OR10K2: variants seen among roughly 807,000 people sequenced by gnomAD.
OR10K2 encodes olfactory receptor family 10 subfamily K member 2, also known as olfactory receptor 10K2.
For missense variants in OR10K2, 401 were observed against 367.1 expected, an observed-to-expected ratio of 1.09 and a Z score of -0.76; for synonymous variants, 169 against 146.4, an observed-to-expected ratio of 1.15 and a Z score of -1.11.
At chr1:158,423,199 A>G (rs1571263886) in intron 1 of OR10K2, among the ~76,000 whole-genome samples, 1 of 143,566 alleles carries the variant, frequency 7.0e-6, no homozygotes, top group Admixed American at 7.0e-5. Context: ...CTCCTCCTCT[A>G]TCTTATTCCT....
At position 158,420,329 on chromosome 1, in the gene OR10K2, C is replaced by G. The variant is rs73019729; in HGVS notation, c.538G>C (p.Asp180His). 1 of 1,613,754 alleles carries G rather than the reference C, an allele frequency of 6.2e-7. No homozygotes were observed. The highest frequency in any genetic ancestry group is 1.7e-5 in the Admixed American group (1 of 59,920). Residue 180 changes from aspartate (D) to histidine (H), a missense_variant, in exon 2 of 2, where the codon GAC (aspartate) becomes CAC (histidine). By Grantham distance (81) the Asp-to-His change is moderately conservative (BLOSUM62 -1). Transcript: ENST00000641042. Reference sequence around the variant, plus strand: ...GCCAGCTTGAGGACAGGAGCAATGTCACAGAAGAAGTGATGTAGTTGATTG... The same window carrying G: ...GCCAGCTTGAGGACAGGAGCAATGTGACAGAAGAAGTGATGTAGTTGATTG... Reference protein sequence around the residue: ...SSNQLHHFFCDIAPVLKLASH... With the variant: ...SSNQLHHFFCHIAPVLKLASH...
chr1:158,424,271 T>C lies in OR10K2; in HGVS notation c.-62+1662A>G, dbSNP rs1189556536. On this transcript the variant is annotated intron_variant, in intron 1 of 1. Transcript: ENST00000641042. ...CAAAGGCCCATGAAACAAGACACAC[T>C]AATTATTCTCCCTTTTCTCTTCTTC... Among the ~76,000 whole-genome samples the C allele has an allele frequency of 5.3e-5, 8 of 152,174 alleles. No homozygotes were observed. The South Asian group carries it at 1.0e-3, about 20-fold the overall frequency.
Position 158,420,621 on chromosome 1 carries a change from C to T in OR10K2, c.246G>A (p.Leu82=), listed in dbSNP as rs1196341821. Residue 82 remains leucine (L), a synonymous_variant, in exon 2 of 2, where the codon CTG becomes CTA. Transcript: ENST00000641042. ...CYTFIIVPKM[L]VDLLSQKKTI... ...TCTTCTTCTGGGACAGCAGGTCAAC[C>T]AGCATCTTGGGTACAATGATGAAGG... 4 of 1,613,886 alleles carry T rather than the reference C, an allele frequency of 2.5e-6. No individual in the cohort carries two copies. Among genetic ancestry groups the T allele is most frequent in the Non-Finnish European group, 3.4e-6 (4 of 1,179,908 alleles).
chr1:158,420,503 G>T lies in OR10K2; in HGVS notation c.364C>A (p.Arg122Ser). ...SFLLAVMGYD[R>S]YIAICNPLRY... Reference sequence around the variant, plus strand: ...AGTGGGTTACAGATGGCTATGTAACGATCATAACCCATGACTGCCAGCAGA... The same window carrying T: ...AGTGGGTTACAGATGGCTATGTAACTATCATAACCCATGACTGCCAGCAGA... The change falls in exon 2 of 2, where the codon CGT becomes AGT. Residue 122 changes from arginine to serine, a missense_variant. Physicochemically the swap from Arg to Ser is moderately radical, Grantham distance 110. Coordinates refer to ENST00000641042, the MANE Select transcript of OR10K2 (RefSeq NM_001004476.2). The T allele has an allele frequency of 6.2e-7, 1 of 1,613,848 alleles. No homozygotes were observed.
chr1:158,424,919 C>T (rs1208624330), intron 1 of OR10K2, among the ~76,000 whole-genome samples: 2 of 151,980 alleles, frequency 1.3e-5, no homozygotes, highest in East Asian at 1.9e-4. Context: ...CTTTGTAATG[C>T]GGTTCATTCA....
chr1:158,424,397 T>G (rs866523895), intron 1 of OR10K2, among the ~76,000 whole-genome samples: 11 of 151,858 alleles, frequency 7.2e-5, no homozygotes, highest in Middle Eastern at 3.2e-3. Flanking sequence ...CTCAGTTATG[T>G]TTTTTGGGAG....
intron 1 of OR10K2, among the ~76,000 whole-genome samples, chr1:158,421,386 C>A (rs1410697013): frequency 6.6e-6 from 1 of 152,132 alleles, no homozygotes; most frequent in Non-Finnish European, 1.5e-5. Context: ...GATTCAAATT[C>A]TCTTCAACAC....
intron 1 of OR10K2, among the ~76,000 whole-genome samples, chr1:158,424,062 A>G (rs1330759917): frequency 6.6e-6 from 1 of 152,074 alleles, no homozygotes; most frequent in Non-Finnish European, 1.5e-5. Flanking sequence ...GAAAATCTGG[A>G]GGAAAAACCC....
At chr1:158,422,719 C>T (rs1655182856) in intron 1 of OR10K2, among the ~76,000 whole-genome samples, 1 of 151,988 alleles carries the variant, frequency 6.6e-6, no homozygotes, top group Non-Finnish European at 1.5e-5. Context: ...AGATAGTACA[C>T]ATGTATTAAG....
intron 1 of OR10K2, among the ~76,000 whole-genome samples, chr1:158,421,288 C>G (rs1429480869): frequency 6.6e-6 from 1 of 152,012 alleles, no homozygotes; most frequent in Admixed American, 6.6e-5. Context: ...TCTGAATATA[C>G]CATAGTTGTC....
In OR10K2 at chr1:158,420,711, G is replaced by A. The variant is rs34616883; in HGVS notation, c.156C>T (p.Asp52=). The change falls in exon 2 of 2, where the codon GAC becomes GAT. Residue 52 remains aspartate, a synonymous_variant. Transcript: ENST00000641042. The stretch of plus-strand genomic sequence containing the variant: ...AGTACATGGGGATATGAAGGGCCCT[G>A]TCCAGGACAATGGTGGAAATGATGA... ...NAIIISTIVL[D]RALHIPMYFF... is the part of the protein sequence containing the mutation. 689,449 of 1,613,418 alleles carry A rather than the reference G, an allele frequency of 0.43. 153,538 individuals carry two copies. The highest frequency in any genetic ancestry group is 0.46 in the Non-Finnish European group (544,449 of 1,179,662).
intron 1 of OR10K2, among the ~76,000 whole-genome samples, chr1:158,421,413 T>G (rs980971677): frequency 7.2e-5 from 11 of 152,146 alleles, no homozygotes; most frequent in South Asian, 2.1e-4. Flanking sequence ...CCTTACCTCC[T>G]GGCAGGAATT....
At position 158,425,959 on chromosome 1, in the gene OR10K2, C is replaced by G. The variant is rs1655246001; in HGVS notation, c.-88G>C. 6.6e-6 allele frequency: 1 copy of G among 152,032 alleles called. No homozygotes were observed. Among genetic ancestry groups the G allele is most frequent in the Non-Finnish European group, 1.5e-5 (1 of 68,002 alleles). The allele number at this position is 152,032 out of a possible 1,614,324, so 9.4% of individuals were successfully genotyped here. On this transcript the variant is annotated 5_prime_UTR_variant, in exon 1 of 2. Coordinates refer to ENST00000641042, the MANE Select transcript of OR10K2 (RefSeq NM_001004476.2). ...TGAAATGTGAAAACATAAGTCCTGCCAGAGGATAGATGTTTATTTTCATTT... is the reference window on the plus strand; with the variant it reads ...TGAAATGTGAAAACATAAGTCCTGCGAGAGGATAGATGTTTATTTTCATTT...
At chr1:158,422,514 G>T (rs1472339859) in intron 1 of OR10K2, among the ~76,000 whole-genome samples, 2 of 152,078 alleles carry the variant, frequency 1.3e-5, no homozygotes, top group African/African-American at 4.8e-5. Flanking sequence ...TACCTAAGGT[G>T]ATTCCCAATT....
rs183797168 is a variant in OR10K2, at chr1:158,419,804, A to G, written c.*124T>C. ...TTGTATATTTTTTGGTAGAGATAGG[A>G]TTTCACTATGTTGGCCAGGCTGGTC... On this transcript the variant is annotated 3_prime_UTR_variant, in exon 2 of 2. Transcript: ENST00000641042. The G allele has an allele frequency of 2.8e-6, 2 of 716,782 alleles. No individual in the cohort carries two copies. The highest frequency in any genetic ancestry group is 5.4e-5 in the East Asian group (2 of 36,860). 44.4% of individuals were successfully genotyped at this position (716,782 alleles called of 1,614,324 possible).
At position 158,420,251 on chromosome 1, in the gene OR10K2, C is replaced by A. The variant is rs1183873530; in HGVS notation, c.616G>T (p.Val206Phe). The A allele has an allele frequency of 1.2e-6, 2 of 1,613,614 alleles. No individual in the cohort carries two copies. Among genetic ancestry groups the A allele is most frequent in the Non-Finnish European group, 8.5e-7 (1 of 1,179,842 alleles). Residue 206 changes from valine to phenylalanine, a missense_variant, in exon 2 of 2, where the codon GTC (valine) becomes TTC (phenylalanine). Transcript: ENST00000641042. Reference sequence around the variant, plus strand: ...ATCAACAATAAGGGGATAGCCAGGACCAATGTACAGAGCATGAAGATGACA... The same window carrying A: ...ATCAACAATAAGGGGATAGCCAGGAACAATGTACAGAGCATGAAGATGACA... ...QIVIFMLCTL[V>F]LAIPLLLILV...
chr1:158,419,677 C>A lies in OR10K2; in HGVS notation c.*251G>T, dbSNP rs1655104039. On this transcript the variant is annotated 3_prime_UTR_variant, in exon 2 of 2. Transcript: ENST00000641042. ...TCGCCCAGGCTGGAGTGCAGTGACA[C>A]AATCTCACTGCAACCTTCTGCCTCC... 2 of 307,814 alleles carry A rather than the reference C, an allele frequency of 6.5e-6. No homozygotes were observed. Among genetic ancestry groups the A allele is most frequent in the Non-Finnish European group, 1.2e-5 (2 of 165,460 alleles). 19.1% of individuals were successfully genotyped at this position (307,814 alleles called of 1,614,324 possible).
At position 158,420,721 on chromosome 1, in the gene OR10K2, A is replaced by G. The variant is rs1357247573; in HGVS notation, c.146T>C (p.Ile49Thr). The change falls in exon 2 of 2, where the codon ATT becomes ACT. Residue 49 changes from isoleucine (I) to threonine (T), a missense_variant. By Grantham distance (89) the Ile-to-Thr change is moderately conservative. Transcript: ENST00000641042. ...GATATGAAGGGCCCTGTCCAGGACA[A>G]TGGTGGAAATGATGATTGCATTGGT... is the stretch of plus-strand genomic sequence containing the variant. The part of the protein sequence containing the change: ...LGTNAIIIST[I>T]VLDRALHIPM... 4 of 1,613,666 alleles carry G rather than the reference A, an allele frequency of 2.5e-6. No homozygotes were observed. Among genetic ancestry groups the G allele is most frequent in the African/African-American group, 2.7e-5 (2 of 74,880 alleles).
chr1:158,418,324 T>G lies in OR10K2; in HGVS notation c.*1604A>C, dbSNP rs1655079331. Reference sequence around the variant, plus strand: ...CTAAAGTTTAGATGAAGTAACATTGTTAAACTGTAGCACACAATGCAGCTA... The same window carrying G: ...CTAAAGTTTAGATGAAGTAACATTGGTAAACTGTAGCACACAATGCAGCTA... On this transcript the variant is annotated 3_prime_UTR_variant, in exon 2 of 2. Transcript: ENST00000641042. 1 of 152,130 alleles carries G rather than the reference T, an allele frequency of 6.6e-6. No individual in the cohort carries two copies. The highest frequency in any genetic ancestry group is 2.4e-5 in the African/African-American group (1 of 41,448). The allele number at this position is 152,130 out of a possible 1,614,324, so 9.4% of individuals were successfully genotyped here.
Sources: gnomAD v4.1 joint callset for allele counts (sites outside exome capture counted in the v4.1 genomes callset) on GRCh38, gnomAD v4.1.1 for gene constraint, MANE v1.5 for transcripts, NCBI Gene and HGNC (gene_info 2026-07-23, HGNC 2026-07-21) for gene names.